Variants in GATB observed in about 807,000 individuals in gnomAD.
GATB encodes glutamyl-tRNA amidotransferase subunit B, also known as glutamyl-tRNA(Gln) amidotransferase subunit B, mitochondrial.
In GATB, 39 loss-of-function variants were observed where a neutral mutation model predicts 62.3. The ratio of observed to expected loss-of-function variants is 0.63; its 90% CI spans 0.48 to 0.82. The LOEUF (loss-of-function observed/expected upper bound fraction) is 0.82. Ranked by LOEUF, GATB falls within the 40% of genes least tolerant of loss-of-function variation. The pLI is 0.00. For synonymous variants in GATB, 276 were observed against 258.9 expected (o/e 1.07, Z -0.63); for missense variants, 670 against 684.0 (o/e 0.98, Z 0.23).
At position 151,730,079 on chromosome 4, in the gene GATB, ACT is replaced by A. The variant is rs1249406366; in HGVS notation, c.328-10543_328-10542del. On this transcript the variant is annotated intron_variant, in intron 2 of 12. Coordinates refer to ENST00000263985, the MANE Select transcript of GATB (RefSeq NM_004564.3). This position sits in a 1 kb window ranked among gnomAD's most constrained non-coding sequence, Gnocchi z 4.1. ...CCACCTGCCCTCTGCCTGGAAACAG[ACT>A]CGGGGTGTGGTGGGAGTGAGACTGG... Among the ~76,000 whole-genome samples the A allele has an allele frequency of 6.6e-6, 1 of 152,030 alleles. No homozygotes were observed. The highest frequency in any genetic ancestry group is 1.5e-5 in the Non-Finnish European group (1 of 67,992).
At chr4:151,750,435 CCTTAAT>C (rs1739698609) in intron 2 of GATB, among the ~76,000 whole-genome samples, 1 of 148,150 alleles carries the variant, frequency 6.7e-6, no homozygotes, top group Non-Finnish European at 1.5e-5. Context: ...GACAATCCTT[CCTTAAT>C]CTGGAAAAAA....
At chr4:151,697,893 C>A (rs1738503240) in intron 9 of GATB, among the ~76,000 whole-genome samples, 1 of 144,674 alleles carries the variant, frequency 6.9e-6, no homozygotes, top group Admixed American at 7.0e-5. Flanking sequence ...AAGCGAGACT[C>A]CGTCTCAAAA....
chr4:151,684,469 G>A (rs1877187), intron 10 of GATB, among the ~76,000 whole-genome samples: 90,966 of 152,134 alleles, frequency 0.6, 29,781 homozygotes, highest in African/African-American at 0.89. Context: ...GCTAATTCAC[G>A]TAATCATTCT....
intron 11 of GATB, among the ~76,000 whole-genome samples, chr4:151,678,668 G>A (rs941626712): frequency 1.3e-5 from 2 of 152,134 alleles, no homozygotes; most frequent in African/African-American, 2.4e-5. Context: ...CACCCAGCCC[G>A]GTGCGTGCAC....
intron 3 of GATB, among the ~76,000 whole-genome samples, chr4:151,718,076 C>T (rs539834025): frequency 3.9e-4 from 60 of 152,334 alleles, no homozygotes; most frequent in African/African-American, 1.4e-3. Context: ...TACTACTGTG[C>T]TTGTCAAAAG....
At chr4:151,746,993 C>T (rs1405852617) in intron 2 of GATB, among the ~76,000 whole-genome samples, 1 of 152,130 alleles carries the variant, frequency 6.6e-6, no homozygotes, top group Non-Finnish European at 1.5e-5. Flanking sequence ...GGGGTAACCA[C>T]AAGAGACAGG....
chr4:151,683,172 C>G (rs992094634), intron 10 of GATB, among the ~76,000 whole-genome samples: 3 of 133,592 alleles, frequency 2.2e-5, no homozygotes, highest in Non-Finnish European at 4.6e-5. Context: ...CTTGCAGTCA[C>G]TTGCGTCTGC....
chr4:151,759,323 C>A (rs944785300), intron 1 of GATB, among the ~76,000 whole-genome samples: 4 of 152,164 alleles, frequency 2.6e-5, no homozygotes, highest in Admixed American at 2.6e-4. Context: ...ATGATGAAAG[C>A]TGATCTTTCC....
chr4:151,714,270 A>C (rs1738872881), intron 5 of GATB, among the ~76,000 whole-genome samples: 2 of 152,322 alleles, frequency 1.3e-5, no homozygotes, highest in Middle Eastern at 3.4e-3. Flanking sequence ...GGTGTCCACT[A>C]GTCTTCAGTG....
intron 5 of GATB, among the ~76,000 whole-genome samples, chr4:151,708,370 G>C (rs998332984): frequency 6.6e-6 from 1 of 152,216 alleles, no homozygotes; most frequent in East Asian, 1.9e-4. Flanking sequence ...ATATGGAAGA[G>C]AAGTTTTAGA....
intron 2 of GATB, among the ~76,000 whole-genome samples, chr4:151,733,469 G>A (rs770993594): frequency 1.3e-5 from 2 of 152,086 alleles, no homozygotes; most frequent in Non-Finnish European, 1.5e-5. Flanking sequence ...AGATTAAAAC[G>A]GTAATTTAAC....
At chr4:151,691,373 A>G (rs566343911) in intron 9 of GATB, among the ~76,000 whole-genome samples, 25 of 152,288 alleles carry the variant, frequency 1.6e-4, no homozygotes, top group African/African-American at 5.8e-4. Context: ...TGTCTTTTGT[A>G]TAATACCTGA....
At chr4:151,733,274 C>T (rs959663001) in intron 2 of GATB, among the ~76,000 whole-genome samples, 1 of 151,908 alleles carries the variant, frequency 6.6e-6, no homozygotes, top group African/African-American at 2.4e-5. Context: ...CACTGAGAAA[C>T]GAAACAGGAG....
Position 151,719,614 on chromosome 4 carries a change from G to A in GATB, c.328-76C>T, listed in dbSNP as rs568084458. 3.4e-3 allele frequency: 3,243 copies of A among 966,932 alleles called. 124 individuals are homozygous for A. In the South Asian group the frequency reaches 0.054, roughly 16 times the overall value. The allele number at this position is 966,932 out of a possible 1,614,324, so 59.9% of individuals were successfully genotyped here. ...GCTTCTCCCACACACTGACATCCTC[G>A]CTGAATATGCAACTTGGCCCTTCAA... On this transcript the variant is annotated intron_variant, in intron 2 of 12. Transcript: ENST00000263985.
At chr4:151,699,387 C>CA (rs35279340) in intron 9 of GATB, among the ~76,000 whole-genome samples, 17,644 of 79,906 alleles carry the variant, frequency 0.22, 1,366 homozygotes, top group African/African-American at 0.29. Flanking sequence ...GACCCTGTCT[C>CA]AAAAAAAAAA....
At chr4:151,671,899 C>T (rs1737875393) in intron 12 of GATB, among the ~76,000 whole-genome samples, 1 of 152,198 alleles carries the variant, frequency 6.6e-6, no homozygotes, top group Non-Finnish European at 1.5e-5. Context: ...CACGTGACCT[C>T]CTGCTCTGCA....
intron 2 of GATB, among the ~76,000 whole-genome samples, chr4:151,725,702 T>C (rs1490461427): frequency 6.6e-6 from 1 of 152,260 alleles, no homozygotes; most frequent in Non-Finnish European, 1.5e-5. Flanking sequence ...CCATAAAATA[T>C]TCTCTAGGAT....
intron 2 of GATB, among the ~76,000 whole-genome samples, chr4:151,738,108 A>G (rs1739414095): frequency 1.3e-5 from 2 of 152,094 alleles, no homozygotes; most frequent in Admixed American, 1.3e-4. Context: ...GACAGTTTGC[A>G]CTGTGTGCCT....
intron 2 of GATB, among the ~76,000 whole-genome samples, chr4:151,743,695 C>A (rs1739541825): frequency 6.6e-6 from 1 of 152,208 alleles, no homozygotes; most frequent in South Asian, 2.1e-4. Flanking sequence ...GCAGTTCTCT[C>A]ATCTGTAAAT....
Sources: gnomAD v4.1 joint callset for allele counts (sites outside exome capture counted in the v4.1 genomes callset) on GRCh38, gnomAD v4.1.1 for gene constraint, Gnocchi (gnomAD v3.1) non-coding constraint, MANE v1.5 for transcripts, NCBI Gene and HGNC (gene_info 2026-07-23, HGNC 2026-07-21) for gene names.